The following PALM2AKAP2 variants were observed in gnomAD, a reference collection of about 807,000 sequenced individuals.
The protein encoded by PALM2AKAP2 is PALM2-AKAP2 fusion protein.
In PALM2AKAP2, 37 loss-of-function variants were observed where a neutral mutation model predicts 71.5. The observed-to-expected ratio is 0.52, with a 90% CI of 0.40 to 0.68. PALM2AKAP2 has a LOEUF of 0.68. Among genes scored for constraint, PALM2AKAP2 ranks in the 30% least tolerant of loss-of-function variants. The pLI is 0.00. For missense variants in PALM2AKAP2, 1,224 were observed against 1,191.8 expected (o/e 1.03, Z -0.40); for synonymous variants, 468 against 478.8 (o/e 0.98, Z 0.29).
At chr9:110,095,743 A>G (rs1369220573) in intron 1 of PALM2AKAP2, among the ~76,000 whole-genome samples, 1 of 152,124 alleles carries the variant, frequency 6.6e-6, no homozygotes, top group African/African-American at 2.4e-5. Flanking sequence ...TTCTGGTACT[A>G]GGACTTTTGC....
At chr9:109,784,947 C>G (rs1040123186) in intron 1 of PALM2AKAP2, among the ~76,000 whole-genome samples, 21 of 152,128 alleles carry the variant, frequency 1.4e-4, no homozygotes, top group African/African-American at 5.1e-4. Flanking sequence ...ATAGAAATAC[C>G]CAACATAAAA....
intron 1 of PALM2AKAP2, among the ~76,000 whole-genome samples, chr9:109,814,132 T>C (rs982001055): frequency 6.6e-6 from 1 of 152,182 alleles, no homozygotes; most frequent in African/African-American, 2.4e-5. Flanking sequence ...ATGCCCTTGA[T>C]GAGAATGAAG....
upstream of PALM2AKAP2, among the ~76,000 whole-genome samples, chr9:110,047,353 T>G (rs1316260513): frequency 6.6e-6 from 1 of 152,202 alleles, no homozygotes; most frequent in Non-Finnish European, 1.5e-5. Flanking sequence ...GAAGAAGTCT[T>G]TTCTCTGAAG....
At chr9:109,759,912 T>C (rs962193073) in intron 1 of PALM2AKAP2, among the ~76,000 whole-genome samples, 7 of 152,214 alleles carry the variant, frequency 4.6e-5, no homozygotes, top group African/African-American at 1.7e-4. Context: ...TGGTGTAATT[T>C]ATATATGGCA....
At chr9:109,762,922 T>A (rs1487405404) in intron 1 of PALM2AKAP2, among the ~76,000 whole-genome samples, 9 of 151,870 alleles carry the variant, frequency 5.9e-5, no homozygotes, top group Admixed American at 5.2e-4. Flanking sequence ...AACATTAGGA[T>A]TTTAGGGTCA....
intron 6 of PALM2AKAP2, among the ~76,000 whole-genome samples, chr9:109,935,672 T>G (rs1210659146): frequency 6.6e-6 from 1 of 152,192 alleles, no homozygotes; most frequent in Admixed American, 6.5e-5. Flanking sequence ...GTCAAGCTCC[T>G]TCGATGTAGT....
intron 1 of PALM2AKAP2, among the ~76,000 whole-genome samples, chr9:110,084,042 G>A (rs1001145884): frequency 1.3e-5 from 2 of 152,242 alleles, no homozygotes; most frequent in African/African-American, 4.8e-5. Flanking sequence ...AAGCATGCCA[G>A]AGGCTCAGGA....
intron 1 of PALM2AKAP2, among the ~76,000 whole-genome samples, chr9:110,069,690 G>A (rs985984550): frequency 1.3e-5 from 2 of 152,164 alleles, no homozygotes; most frequent in African/African-American, 4.8e-5. Context: ...AGGAGAACCA[G>A]GAGGCGCTGA....
At chr9:110,118,143 A>G (rs1835407294) in intron 1 of PALM2AKAP2, among the ~76,000 whole-genome samples, 1 of 151,292 alleles carries the variant, frequency 6.6e-6, no homozygotes, top group South Asian at 2.1e-4. Context: ...TTAATAGGGA[A>G]CTGATCTTTT....
At chr9:109,980,007 C>T (rs1043682306) in intron 6 of PALM2AKAP2, among the ~76,000 whole-genome samples, 2 of 152,116 alleles carry the variant, frequency 1.3e-5, no homozygotes, top group Non-Finnish European at 2.9e-5. Context: ...AGTGTGTCCT[C>T]AGGATATTCC....
chr9:109,890,175 G>A (rs909382810), intron 3 of PALM2AKAP2, among the ~76,000 whole-genome samples: 1 of 152,220 alleles, frequency 6.6e-6, no homozygotes, highest in East Asian at 1.9e-4. Context: ...CAGCAGACAA[G>A]ATGGTGTCTC....
At chr9:109,830,701 A>T (rs1828272722) in intron 1 of PALM2AKAP2, among the ~76,000 whole-genome samples, 1 of 152,070 alleles carries the variant, frequency 6.6e-6, no homozygotes, top group African/African-American at 2.4e-5. Context: ...GAGGGAGGAG[A>T]AAGAAGATGA....
At chr9:110,011,506 G>GA (rs1331137248) in intron 6 of PALM2AKAP2, among the ~76,000 whole-genome samples, 2 of 152,130 alleles carry the variant, frequency 1.3e-5, no homozygotes, top group African/African-American at 4.8e-5. Context: ...GAGCTGAGGG[G>GA]ATTACAAATC....
chr9:109,821,515 C>T (rs1334415734), intron 1 of PALM2AKAP2, among the ~76,000 whole-genome samples: 2 of 152,134 alleles, frequency 1.3e-5, no homozygotes, highest in Admixed American at 6.5e-5. Flanking sequence ...TCCATTCATG[C>T]ATTCATTGAG....
chr9:109,970,854 C>T (rs1832051893), intron 6 of PALM2AKAP2, among the ~76,000 whole-genome samples: 1 of 152,192 alleles, frequency 6.6e-6, no homozygotes. Flanking sequence ...TGCCTGTAAT[C>T]CCAGCACTTT....
chr9:109,759,480 C>T (rs1163919796), intron 1 of PALM2AKAP2, among the ~76,000 whole-genome samples: 2 of 151,994 alleles, frequency 1.3e-5, no homozygotes, highest in Admixed American at 6.6e-5. Flanking sequence ...TAATATAAGA[C>T]CTTTTAGAAT....
At chr9:109,788,604 T>G (rs1193420999) in intron 1 of PALM2AKAP2, among the ~76,000 whole-genome samples, 1 of 152,156 alleles carries the variant, frequency 6.6e-6, no homozygotes, top group Non-Finnish European at 1.5e-5. Flanking sequence ...AAACGACTGG[T>G]GAAGTGTAGG....
intron 1 of PALM2AKAP2, among the ~76,000 whole-genome samples, chr9:109,663,786 G>C (rs886587720): frequency 1.3e-5 from 2 of 152,134 alleles, no homozygotes; most frequent in Admixed American, 1.3e-4. Context: ...TGACAGTGGG[G>C]TGTTATAGTC....
intron 3 of PALM2AKAP2, among the ~76,000 whole-genome samples, chr9:110,158,971 C>T (rs1188053601): frequency 1.3e-5 from 2 of 152,212 alleles, no homozygotes; most frequent in African/African-American, 4.8e-5. Context: ...CTAGCCCTTC[C>T]AATTTAGGGG....
Sources: allele counts gnomAD v4.1 joint callset (sites outside exome capture counted in the v4.1 genomes callset), GRCh38; gene constraint gnomAD v4.1.1; transcripts MANE v1.5; gene names NCBI Gene and HGNC (gene_info 2026-07-23, HGNC 2026-07-21).